Variants in LRRC8C observed in about 807,000 individuals in gnomAD.
LRRC8C encodes volume-regulated anion channel subunit LRRC8C.
Under a neutral mutation model 55.3 loss-of-function variants are expected in LRRC8C, and 20 were observed. The observed-to-expected ratio is 0.36, with a 90% CI of 0.25 to 0.53. The LOEUF (loss-of-function observed/expected upper bound fraction) is 0.53. Ranked by LOEUF, LRRC8C falls within the 20% of genes least tolerant of loss-of-function variation. The pLI, the probability that LRRC8C is intolerant of heterozygous loss-of-function variation, is 0.92. For missense variants in LRRC8C, 659 were observed against 951.4 expected (o/e 0.69, Z 4.04); for synonymous variants, 376 against 360.7 (o/e 1.04, Z -0.48).
At position 89,714,333 on chromosome 1, in the gene LRRC8C, T is replaced by C; in HGVS notation, c.1763T>C (p.Met588Thr). ...KLVMLNNLKK[M>T]TNLTELELVH... ...GTGATGCTCAACAACTTAAAGAAGA[T>C]GACCAATCTGACAGAGCTGGAGCTG... Residue 588 changes from methionine to threonine, a missense_variant, in exon 3 of 3, where the codon ATG becomes ACG. Coordinates refer to ENST00000370454, the MANE Select transcript of LRRC8C (RefSeq NM_032270.5). The surrounding 1 kb of genome is among the most constrained non-coding windows in gnomAD (Gnocchi z 4.6). 1 of 1,614,176 alleles carries C rather than the reference T, an allele frequency of 6.2e-7. No individual in the cohort carries two copies. The highest frequency in any genetic ancestry group is 1.3e-5 in the African/African-American group (1 of 75,042).
At chr1:89,636,751 A>T (rs1266379044) in intron 1 of LRRC8C, among the ~76,000 whole-genome samples, 3 of 152,132 alleles carry the variant, frequency 2.0e-5, no homozygotes, top group African/African-American at 7.2e-5. Flanking sequence ...TATAATTCAG[A>T]CAACACGTAC....
At chr1:89,641,232 T>A (rs6698273) in intron 1 of LRRC8C, among the ~76,000 whole-genome samples, 84,796 of 152,088 alleles carry the variant, frequency 0.56, 24,060 homozygotes, top group East Asian at 0.79. Flanking sequence ...TTTCTGAGCA[T>A]GTGTTAAAAT....
chr1:89,712,592 T>C (rs945858425), intron 2 of LRRC8C, 117 bp from the exon 3 acceptor site: 5 of 689,502 alleles, frequency 7.3e-6, no homozygotes, highest in African/African-American at 7.2e-5. Flanking sequence ...GAACGTTGTA[T>C]TCTCCAGGCA....
At chr1:89,712,405 G>C (rs1412490762) in intron 2 of LRRC8C, among the ~76,000 whole-genome samples, 2 of 152,140 alleles carry the variant, frequency 1.3e-5, no homozygotes, top group Non-Finnish European at 2.9e-5. Context: ...GAGCCACTGC[G>C]CCTGGCTGCT....
chr1:89,658,944 A>G (rs1657024871), intron 1 of LRRC8C, among the ~76,000 whole-genome samples: 1 of 152,098 alleles, frequency 6.6e-6, no homozygotes, highest in African/African-American at 2.4e-5. Flanking sequence ...TAAAAAAAGT[A>G]TCTGAGTATG....
At chr1:89,670,394 T>C (rs1657383142) in intron 1 of LRRC8C, among the ~76,000 whole-genome samples, 1 of 152,208 alleles carries the variant, frequency 6.6e-6, no homozygotes, top group South Asian at 2.1e-4. Context: ...CCTTAGCCTG[T>C]TATACCCTCA....
intron 1 of LRRC8C, among the ~76,000 whole-genome samples, chr1:89,664,949 T>G (rs1017131634): frequency 1.3e-5 from 2 of 152,214 alleles, no homozygotes; most frequent in African/African-American, 4.8e-5. Flanking sequence ...TTGTCTATTA[T>G]TGCTGTATAG....
intron 1 of LRRC8C, among the ~76,000 whole-genome samples, chr1:89,667,021 T>C (rs1213619170): frequency 6.6e-6 from 1 of 152,120 alleles, no homozygotes; most frequent in Non-Finnish European, 1.5e-5. Context: ...GGTGAGTTGG[T>C]ATTAATATTT....
At chr1:89,662,154 GA>G (rs202128456) in intron 1 of LRRC8C, among the ~76,000 whole-genome samples, 1 of 151,986 alleles carries the variant, frequency 6.6e-6, no homozygotes, top group Non-Finnish European at 1.5e-5. Flanking sequence ...TGAGCTAAAA[GA>G]AAAAAAATCA....
chr1:89,665,076 C>A (rs1657221527), intron 1 of LRRC8C, among the ~76,000 whole-genome samples: 1 of 152,186 alleles, frequency 6.6e-6, no homozygotes, highest in Non-Finnish European at 1.5e-5. Flanking sequence ...CATCTGCAAA[C>A]AGAGACAATT....
At chr1:89,652,859 C>T (rs896534609) in intron 1 of LRRC8C, among the ~76,000 whole-genome samples, 1 of 152,110 alleles carries the variant, frequency 6.6e-6, no homozygotes, top group Non-Finnish European at 1.5e-5. Context: ...AAAAATACAG[C>T]TCATAAGGCA....
intron 2 of LRRC8C, among the ~76,000 whole-genome samples, chr1:89,705,222 G>A (rs1325586022): frequency 8.6e-5 from 12 of 140,332 alleles, no homozygotes; most frequent in African/African-American, 2.7e-4. Context: ...GAATTGAACA[G>A]TGAGAACACA....
the LRRC8C span, among the ~76,000 whole-genome samples, chr1:89,624,139 G>A: frequency 6.6e-6 from 1 of 152,194 alleles, no homozygotes; most frequent in Non-Finnish European, 1.5e-5. Context: ...GAAATCCTGA[G>A]CTAGGGAATA....
chr1:89,704,292 A>C (rs531619101), intron 2 of LRRC8C, among the ~76,000 whole-genome samples: 1 of 152,134 alleles, frequency 6.6e-6, no homozygotes, highest in Non-Finnish European at 1.5e-5. Context: ...ATCAGATAGT[A>C]TGTAACCTTT....
At chr1:89,690,719 T>G (rs1187150834) in intron 2 of LRRC8C, among the ~76,000 whole-genome samples, 1 of 152,200 alleles carries the variant, frequency 6.6e-6, no homozygotes, top group Admixed American at 6.5e-5. Context: ...TTTTCCTGTG[T>G]GCTGGTCAGA....
intron 2 of LRRC8C, among the ~76,000 whole-genome samples, chr1:89,693,385 T>C (rs1374601838): frequency 6.6e-6 from 1 of 152,196 alleles, no homozygotes; most frequent in Non-Finnish European, 1.5e-5. Context: ...CAGAATGATA[T>C]CAGAAGACTT....
chr1:89,708,214 A>G (rs529366941), intron 2 of LRRC8C, among the ~76,000 whole-genome samples: 1 of 152,072 alleles, frequency 6.6e-6, no homozygotes, highest in African/African-American at 2.4e-5. Context: ...AAATGGCGGA[A>G]TTGCTCCATG....
At chr1:89,710,150 G>T (rs938221864) in intron 2 of LRRC8C, among the ~76,000 whole-genome samples, 1 of 152,206 alleles carries the variant, frequency 6.6e-6, no homozygotes, top group Non-Finnish European at 1.5e-5. Context: ...TTTCCCTGCT[G>T]ATCTCTGGCC....
intron 2 of LRRC8C, among the ~76,000 whole-genome samples, chr1:89,701,142 T>G (rs1658306056): frequency 6.6e-6 from 1 of 151,252 alleles, no homozygotes; most frequent in African/African-American, 2.4e-5. Context: ...AGAAAACAGG[T>G]TCAAGCTGGA....
Sources: allele counts gnomAD v4.1 joint callset (sites outside exome capture counted in the v4.1 genomes callset), GRCh38; gene constraint gnomAD v4.1.1; non-coding constraint Gnocchi (gnomAD v3.1); transcripts MANE v1.5; gene names NCBI Gene and HGNC (gene_info 2026-07-23, HGNC 2026-07-21).